Variants in ADGRL2 observed in about 807,000 individuals in gnomAD.
ADGRL2 encodes calcium-independent alpha-latrotoxin receptor 2.
ADGRL2 carries 44 observed loss-of-function variants against 157.4 expected under a neutral mutation model. The observed-to-expected ratio is 0.28, with a 90% CI of 0.22 to 0.36. The LOEUF (loss-of-function observed/expected upper bound fraction) is 0.36, where lower values mean the gene tolerates loss of function less well. Among genes scored for constraint, ADGRL2 ranks in the 10% least tolerant of loss-of-function variants. ADGRL2 has a pLI of 1.00. For missense variants in ADGRL2, 1,510 were observed against 1,768.9 expected (o/e 0.85, Z 2.63); for synonymous variants, 585 against 624.7 (o/e 0.94, Z 0.95).
chr1:81,897,385 A>G (rs1009795728), intron 2 of ADGRL2, among the ~76,000 whole-genome samples: 29 of 152,106 alleles, frequency 1.9e-4, no homozygotes, highest in African/African-American at 6.5e-4. Context: ...TCTTTGTGGC[A>G]TATATTATTT....
At chr1:81,858,364 C>A (rs1016369522) in intron 2 of ADGRL2, among the ~76,000 whole-genome samples, 6 of 152,124 alleles carry the variant, frequency 3.9e-5, no homozygotes, top group Non-Finnish European at 8.8e-5. Flanking sequence ...TTTGTTATTT[C>A]ATTCAGCAAA....
intron 2 of ADGRL2, among the ~76,000 whole-genome samples, chr1:81,897,135 C>T (rs1360582917): frequency 6.6e-6 from 1 of 152,176 alleles, no homozygotes; most frequent in African/African-American, 2.4e-5. Context: ...CTCAGGTTCT[C>T]CTTTCCCTGT....
intron 1 of ADGRL2, among the ~76,000 whole-genome samples, chr1:81,340,150 T>C (rs549085976): frequency 6.6e-6 from 1 of 152,312 alleles, no homozygotes; most frequent in South Asian, 2.1e-4. Flanking sequence ...TGCTTTTTAT[T>C]GGGAAGCTAT....
intron 1 of ADGRL2, chr1:81,722,792 C>T (rs552408967): frequency 5.6e-5 from 41 of 738,086 alleles, no homozygotes; most frequent in African/African-American, 5.3e-4. Flanking sequence ...GAGGAAGAAG[C>T]CAGACCACAG....
chr1:81,382,700 AAAAT>A (rs1356652404), intron 1 of ADGRL2, among the ~76,000 whole-genome samples: 2 of 152,244 alleles, frequency 1.3e-5, no homozygotes, highest in Non-Finnish European at 2.9e-5. Flanking sequence ...AAGTCAGCCA[AAAAT>A]AAATAGTGAC....
intron 1 of ADGRL2, chr1:81,699,896 A>T (rs1316185152): frequency 6.6e-6 from 1 of 152,186 alleles, no homozygotes; most frequent in Non-Finnish European, 1.5e-5. Flanking sequence ...TCAAATGTAG[A>T]TTACTAGGGC....
chr1:81,479,620 G>A (rs775973456), intron 2 of ADGRL2, among the ~76,000 whole-genome samples: 14 of 152,076 alleles, frequency 9.2e-5, no homozygotes, highest in Non-Finnish European at 1.5e-4. Flanking sequence ...GCAACCTTAC[G>A]AGAGACAGGG....
At chr1:81,945,166 A>G (rs1200868508) in intron 6 of ADGRL2, among the ~76,000 whole-genome samples, 1 of 152,012 alleles carries the variant, frequency 6.6e-6, no homozygotes, top group Non-Finnish European at 1.5e-5. Context: ...ATGTATACAT[A>G]TGTTTGCTCA....
At chr1:81,399,794 T>C (rs149664957) in intron 1 of ADGRL2, among the ~76,000 whole-genome samples, 58 of 152,334 alleles carry the variant, frequency 3.8e-4, no homozygotes, top group Non-Finnish European at 7.8e-4. Flanking sequence ...TTCCTTTTCA[T>C]TGGATCTGTA....
intron 2 of ADGRL2, among the ~76,000 whole-genome samples, chr1:81,576,074 G>T (rs2080792706): frequency 6.6e-6 from 1 of 151,970 alleles, no homozygotes; most frequent in African/African-American, 2.4e-5. Context: ...TCTATCTCAG[G>T]ATTAAGCATT....
At chr1:81,632,635 T>C (rs983447770) in intron 3 of ADGRL2, among the ~76,000 whole-genome samples, 22 of 152,008 alleles carry the variant, frequency 1.4e-4, no homozygotes, top group African/African-American at 5.1e-4. Flanking sequence ...GGCAGGCGCC[T>C]GTAGTCCCAA....
intron 1 of ADGRL2, among the ~76,000 whole-genome samples, chr1:81,361,216 G>A (rs955280600): frequency 4.6e-5 from 7 of 151,858 alleles, no homozygotes; most frequent in African/African-American, 7.2e-5. Flanking sequence ...TCTGAGTGGC[G>A]ATCCATTGAT....
intron 1 of ADGRL2, among the ~76,000 whole-genome samples, chr1:81,815,467 C>T (rs549609198): frequency 1.3e-5 from 2 of 151,866 alleles, no homozygotes; most frequent in African/African-American, 4.8e-5. Context: ...TGTTTCATCT[C>T]GTTGCTCTGT....
chr1:81,365,766 G>A (rs894446683), intron 1 of ADGRL2, among the ~76,000 whole-genome samples: 5 of 152,112 alleles, frequency 3.3e-5, no homozygotes, highest in Non-Finnish European at 7.3e-5. Flanking sequence ...AATCTATTGG[G>A]TGTTAATACC....
chr1:81,747,199 GTA>G (rs200179556), intron 1 of ADGRL2, among the ~76,000 whole-genome samples: 16,164 of 135,848 alleles, frequency 0.12, 919 homozygotes, highest in South Asian at 0.16. Flanking sequence ...GTGTATGCAT[GTA>G]TATATATGTA....
chr1:81,946,135 A>T (rs1199486331), intron 6 of ADGRL2, among the ~76,000 whole-genome samples: 1 of 152,146 alleles, frequency 6.6e-6, no homozygotes, highest in African/African-American at 2.4e-5. Flanking sequence ...TTCGTAGTTC[A>T]GGTCATCTGT....
chr1:81,970,982 A>C (rs1440475770), intron 16 of ADGRL2, among the ~76,000 whole-genome samples: 1 of 152,114 alleles, frequency 6.6e-6, no homozygotes. Context: ...TTACTTTGAT[A>C]ATATTGTATC....
intron 1 of ADGRL2, among the ~76,000 whole-genome samples, chr1:81,333,992 T>C (rs1570647302): frequency 6.6e-6 from 1 of 152,230 alleles, no homozygotes; most frequent in East Asian, 1.9e-4. Context: ...CTCAGCCTGG[T>C]ACCTTTCAAA....
At chr1:81,853,578 T>G (rs1406361121) in intron 2 of ADGRL2, among the ~76,000 whole-genome samples, 1 of 152,176 alleles carries the variant, frequency 6.6e-6, no homozygotes, top group Non-Finnish European at 1.5e-5. Context: ...TCTTTGAATC[T>G]CTTTAAAAAC....
Sources: allele counts gnomAD v4.1 joint callset (sites outside exome capture counted in the v4.1 genomes callset), GRCh38; gene constraint gnomAD v4.1.1; transcripts MANE v1.5; gene names NCBI Gene and HGNC (gene_info 2026-07-23, HGNC 2026-07-21).